Variants in CABP5 observed in about 807,000 individuals in gnomAD.
CABP5 encodes the protein calcium binding protein 5, also known as calcium-binding protein 5.
Under a neutral mutation model 21.9 loss-of-function variants are expected in CABP5, and 17 were observed. The ratio of observed to expected loss-of-function variants is 0.78; its 90% confidence interval spans 0.53 to 1.17. The LOEUF is 1.17. Ranked by LOEUF, CABP5 falls within the 50% of genes most tolerant of loss-of-function variation. The pLI is 0.00. For missense variants in CABP5, 229 were observed against 228.9 expected, an observed-to-expected ratio of 1.00 and a Z score of 0.00; for synonymous variants, 85 against 79.4, an observed-to-expected ratio of 1.07 and a Z score of -0.37.
intron 4 of CABP5, among the ~76,000 whole-genome samples, chr19:48,037,714 G>T (rs750925003): frequency 6.6e-6 from 1 of 152,080 alleles, no homozygotes; most frequent in Non-Finnish European, 1.5e-5. Context: ...ATTTAGCTAT[G>T]TAAGTAGCAT....
At chr19:48,038,354 G>A (rs1260813217) in intron 4 of CABP5, among the ~76,000 whole-genome samples, 1 of 152,190 alleles carries the variant, frequency 6.6e-6, no homozygotes, top group Non-Finnish European at 1.5e-5. Context: ...TTCACCTTGT[G>A]TTGCTGAAAG....
At chr19:48,041,495 C>T in intron 2 of CABP5, 78 bp downstream of exon 2, 3 of 1,334,192 alleles carry the variant, frequency 2.2e-6, no homozygotes, top group Non-Finnish European at 3.2e-6. Flanking sequence ...GGAATTTATA[C>T]GGAAATGCAC....
Position 48,029,505 on chromosome 19 carries a change from T to A in CABP5, c.*1052A>T, listed in dbSNP as rs1967309952. ...CATGGCACAGATCGATGTCAGGACGTGAGGGACGGAACAGACGACCCATCT... is the reference window on the plus strand; with the variant it reads ...CATGGCACAGATCGATGTCAGGACGAGAGGGACGGAACAGACGACCCATCT... On this transcript the variant is annotated 3_prime_UTR_variant, in exon 6 of 6. Transcript: ENST00000293255. Among the ~76,000 whole-genome samples the A allele has an allele frequency of 6.6e-6, 1 of 152,002 alleles. No individual in the cohort carries two copies. The highest frequency in any genetic ancestry group is 1.5e-5 in the Non-Finnish European group (1 of 68,010).
intron 4 of CABP5, among the ~76,000 whole-genome samples, chr19:48,036,040 G>A (rs976104335): frequency 2.6e-5 from 4 of 152,196 alleles, no homozygotes; most frequent in Non-Finnish European, 4.4e-5. Context: ...GGTAGGAGAT[G>A]GTTGTGGTTT....
chr19:48,043,998 C>G lies in CABP5; in HGVS notation c.-76G>C. On this transcript the variant is annotated 5_prime_UTR_variant, in exon 1 of 6. Coordinates refer to ENST00000293255, the MANE Select transcript of CABP5 (RefSeq NM_019855.5). ...TCCCTGCTCCCTGTCGGAGCTCAGC[C>G]TCCTTATCTTCTCCAGCACTCCTTT... is the stretch of plus-strand genomic sequence containing the variant. 1 of 1,293,820 alleles carries G rather than the reference C, an allele frequency of 7.7e-7. No homozygotes were observed. Among genetic ancestry groups the G allele is most frequent in the Non-Finnish European group, 1.1e-6 (1 of 949,030 alleles). 80.1% of individuals were successfully genotyped at this position (1,293,820 alleles called of 1,614,324 possible).
At chr19:48,030,626 A>G (rs1488463035) in intron 5 of CABP5, 44 bp from the exon 6 acceptor site, 1 of 1,600,560 alleles carries the variant, frequency 6.2e-7, no homozygotes, top group Admixed American at 1.7e-5. Flanking sequence ...TCTCGTTGTA[A>G]AAGCCCCCAA....
chr19:48,037,288 G>A (rs1037561211), intron 4 of CABP5, among the ~76,000 whole-genome samples: 1 of 10,584 alleles, frequency 9.4e-5, no homozygotes, highest in Non-Finnish European at 4.4e-4. Context: ...TTTTTTTTGA[G>A]GTGGAGTTTC....
intron 1 of CABP5, 58 bp downstream of exon 1, chr19:48,043,802 C>T: frequency 7.2e-7 from 1 of 1,382,980 alleles, no homozygotes; most frequent in Non-Finnish European, 9.5e-7. Flanking sequence ...CTTCTTTGTC[C>T]CACACCCCTG....
At chr19:48,032,156 G>A (rs184067320) in intron 5 of CABP5, among the ~76,000 whole-genome samples, 1 of 152,116 alleles carries the variant, frequency 6.6e-6, no homozygotes, top group Admixed American at 6.6e-5. Context: ...GAGACTGAAA[G>A]ATGTGGTAAG....
At chr19:48,038,451 C>T (rs1228631987) in intron 4 of CABP5, among the ~76,000 whole-genome samples, 4 of 152,202 alleles carry the variant, frequency 2.6e-5, no homozygotes, top group Non-Finnish European at 5.9e-5. Flanking sequence ...ATGTCTGCAG[C>T]AAGTGGTTCG....
intron 3 of CABP5, 63 bp from the exon 4 acceptor site, chr19:48,039,380 T>A: frequency 7.7e-7 from 1 of 1,295,726 alleles, no homozygotes. Context: ...TACCTCACTT[T>A]GTGCTTCGAG....
rs1197112899 is a variant in CABP5, at chr19:48,029,917, C to G, written c.*640G>C. On this transcript the variant is annotated 3_prime_UTR_variant, in exon 6 of 6. Coordinates refer to ENST00000293255, the MANE Select transcript of CABP5 (RefSeq NM_019855.5). ...CACTTGCACGAGCCATTTCCAAGCCCAGCCTCAACAACAACTCTGTTTCCA... is the reference window on the plus strand; with the variant it reads ...CACTTGCACGAGCCATTTCCAAGCCGAGCCTCAACAACAACTCTGTTTCCA... The G allele has an allele frequency of 1.3e-5, 2 of 152,008 alleles. No individual in the cohort carries two copies. Among genetic ancestry groups the G allele is most frequent in the African/African-American group, 4.8e-5 (2 of 41,372 alleles). 9.4% of individuals were successfully genotyped at this position (152,008 alleles called of 1,614,324 possible).
At chr19:48,037,888 A>T (rs1424956177) in intron 4 of CABP5, among the ~76,000 whole-genome samples, 1 of 152,136 alleles carries the variant, frequency 6.6e-6, no homozygotes, top group East Asian at 1.9e-4. Flanking sequence ...TTCACGTTAC[A>T]CTTACAGCAC....
Position 48,029,828 on chromosome 19 carries a change from G to GAGAGAGACAGAGAGAGAC in CABP5, c.*728_*729insGTCTCTCTCTGTCTCTCT, listed in dbSNP as rs1555737225. The GAGAGAGACAGAGAGAGAC allele has an allele frequency of 2.2e-4, 33 of 150,524 alleles. No individual in the cohort carries two copies. Among genetic ancestry groups the GAGAGAGACAGAGAGAGAC allele is most frequent in the Admixed American group, 7.3e-4 (11 of 15,126 alleles). The allele number at this position is 150,524 out of a possible 1,614,324, so 9.3% of individuals were successfully genotyped here. On this transcript the variant is annotated 3_prime_UTR_variant, in exon 6 of 6. Transcript: ENST00000293255. ...AGAGAGAGAGAGAGAGAGAGAGAGA[G>GAGAGAGACAGAGAGAGAC]AGAGAGAGAAACCAGACAGTGCTTC...
At chr19:48,040,864 GAAACAAAACA>G (rs948846891) in intron 2 of CABP5, 116 bp from the exon 3 acceptor site, 10 of 835,000 alleles carry the variant, frequency 1.2e-5, no homozygotes, top group South Asian at 2.2e-5. Flanking sequence ...GCGTACATTA[GAAACAAAACA>G]AAACAAAACA....
At chr19:48,032,704 C>A (rs1156663810) in intron 5 of CABP5, among the ~76,000 whole-genome samples, 2 of 151,568 alleles carry the variant, frequency 1.3e-5, no homozygotes, top group Non-Finnish European at 2.9e-5. Context: ...GACCTCGGCT[C>A]ACTGCAGCCT....
chr19:48,033,277 T>C (rs1425093592), intron 5 of CABP5, among the ~76,000 whole-genome samples: 1 of 151,948 alleles, frequency 6.6e-6, no homozygotes, highest in Non-Finnish European at 1.5e-5. Context: ...GTGCTGGGAT[T>C]ACAGGCGTGA....
chr19:48,042,836 G>A (rs1244493152), intron 1 of CABP5, among the ~76,000 whole-genome samples: 2 of 152,178 alleles, frequency 1.3e-5, no homozygotes, highest in Non-Finnish European at 2.9e-5. Context: ...GCCTCCCAAA[G>A]GGCTGGGATC....
intron 1 of CABP5, 21 bp downstream of exon 1, chr19:48,043,839 C>T: frequency 1.4e-6 from 2 of 1,413,594 alleles, no homozygotes; most frequent in Non-Finnish European, 1.9e-6. Context: ...CACCGCCCTT[C>T]CCCCTCACTC....
Sources: allele counts gnomAD v4.1 joint callset (sites outside exome capture counted in the v4.1 genomes callset), GRCh38; gene constraint gnomAD v4.1.1; transcripts MANE v1.5; gene names NCBI Gene and HGNC (gene_info 2026-07-23, HGNC 2026-07-21).